MUSK: variants seen among roughly 807,000 people sequenced by gnomAD.
The protein encoded by MUSK is muscle associated receptor tyrosine kinase.
A neutral mutation model predicts 88.7 loss-of-function variants in MUSK; 55 were observed. The observed-to-expected ratio is 0.62, with a 90% CI of 0.50 to 0.78. The LOEUF is 0.78. Among genes scored for constraint, MUSK ranks in the 30% least tolerant of loss-of-function variants. The pLI, the probability that MUSK is intolerant of heterozygous loss-of-function variation, is 0.00. For missense variants in MUSK, 1,015 were observed against 1,074.3 expected, an observed-to-expected ratio of 0.94 and a Z score of 0.77; for synonymous variants, 387 against 391.9, an observed-to-expected ratio of 0.99 and a Z score of 0.15.
intron 6 of MUSK, among the ~76,000 whole-genome samples, chr9:110,736,004 C>T (rs1196859169): frequency 2.0e-5 from 3 of 152,194 alleles, no homozygotes; most frequent in Non-Finnish European, 2.9e-5. Flanking sequence ...AATTACAATT[C>T]GACTTGAGAT....
intron 7 of MUSK, among the ~76,000 whole-genome samples, chr9:110,758,856 A>G (rs2077361404): frequency 6.6e-6 from 1 of 152,248 alleles, no homozygotes; most frequent in Non-Finnish European, 1.5e-5. Flanking sequence ...CTAACCAGGA[A>G]GGTGAAAGAT....
chr9:110,757,250 G>A (rs1182845540), intron 7 of MUSK, among the ~76,000 whole-genome samples: 1 of 151,930 alleles, frequency 6.6e-6, no homozygotes, highest in Non-Finnish European at 1.5e-5. Flanking sequence ...TTTGAGGTTG[G>A]GAGTTCGAGA....
At chr9:110,722,547 C>A (rs1361334357) in intron 5 of MUSK, among the ~76,000 whole-genome samples, 7 of 150,716 alleles carry the variant, frequency 4.6e-5, no homozygotes, top group African/African-American at 7.3e-5. Flanking sequence ...AAAAAAAAAA[C>A]ATGGGACTTA....
chr9:110,707,015 G>C (rs2076608813), intron 5 of MUSK, among the ~76,000 whole-genome samples: 1 of 143,644 alleles, frequency 7.0e-6, no homozygotes, highest in African/African-American at 2.6e-5. Flanking sequence ...AAAAAATAGA[G>C]AGAGAGAGAG....
intron 5 of MUSK, among the ~76,000 whole-genome samples, chr9:110,722,788 T>C (rs1221594543): frequency 6.6e-6 from 1 of 151,508 alleles, no homozygotes; most frequent in African/African-American, 2.4e-5. Context: ...CATGGAAAAA[T>C]GCTCCACATC....
At chr9:110,774,866 T>TACACACACAC (rs368896303) in intron 9 of MUSK, among the ~76,000 whole-genome samples, 9 of 139,044 alleles carry the variant, frequency 6.5e-5, no homozygotes, top group African/African-American at 2.6e-4. Flanking sequence ...GGCATATATA[T>TACACACACAC]ACACACACAC....
chr9:110,773,890 T>C (rs1324477277), intron 9 of MUSK, among the ~76,000 whole-genome samples: 1 of 152,200 alleles, frequency 6.6e-6, no homozygotes, highest in Non-Finnish European at 1.5e-5. Flanking sequence ...ATTTCTTTAA[T>C]TGTTGAGATT....
At chr9:110,785,142 T>A in intron 12 of MUSK, 126 bp downstream of exon 12, 1 of 848,576 alleles carries the variant, frequency 1.2e-6, no homozygotes, top group Non-Finnish European at 1.8e-6. Context: ...AGCCCTGCTT[T>A]AAAATTAAGC....
At chr9:110,756,046 C>G (rs148110959) in intron 7 of MUSK, among the ~76,000 whole-genome samples, 2 of 145,648 alleles carry the variant, frequency 1.4e-5, no homozygotes, top group Non-Finnish European at 3.0e-5. Flanking sequence ...TTTTATTATC[C>G]CCATTTCACA....
intron 14 of MUSK, among the ~76,000 whole-genome samples, chr9:110,788,555 C>A (rs367615646): frequency 6.6e-6 from 1 of 151,114 alleles, no homozygotes; most frequent in Non-Finnish European, 1.5e-5. Context: ...TCGCTTACAC[C>A]GGGGGGGCAG....
chr9:110,728,780 TTTG>T, intron 5 of MUSK: 1 of 1,375,888 alleles, frequency 7.3e-7, no homozygotes, highest in Non-Finnish European at 9.8e-7. Flanking sequence ...ATTGTTTATT[TTTG>T]TTGACCTTAT....
intron 7 of MUSK, among the ~76,000 whole-genome samples, chr9:110,757,165 A>G (rs1252544945): frequency 6.6e-6 from 1 of 152,178 alleles, no homozygotes; most frequent in Non-Finnish European, 1.5e-5. Flanking sequence ...TTCAGAATTA[A>G]AAATGAAATA....
At chr9:110,671,982 T>C (rs1294351845) in intron 1 of MUSK, among the ~76,000 whole-genome samples, 1 of 152,186 alleles carries the variant, frequency 6.6e-6, no homozygotes, top group African/African-American at 2.4e-5. Context: ...CTCTTTTAAA[T>C]TGTATGTATA....
intron 4 of MUSK, among the ~76,000 whole-genome samples, chr9:110,696,974 G>A (rs2076438290): frequency 1.3e-5 from 2 of 150,326 alleles, no homozygotes; most frequent in South Asian, 4.2e-4. Flanking sequence ...CCTTCTAAAA[G>A]CAATGCTTTT....
In MUSK at chr9:110,800,648, A is replaced by C. The variant is rs769989475; in HGVS notation, c.2270A>C (p.Lys757Thr). The C allele has an allele frequency of 1.2e-6, 2 of 1,613,780 alleles. No individual in the cohort carries two copies. Among genetic ancestry groups the C allele is most frequent in the Non-Finnish European group, 1.7e-6 (2 of 1,179,848 alleles). ...AACATCTACTCAGCAGACTACTACA[A>C]AGCTAATGAAAACGACGCTATCCCT... ...SRNIYSADYYKANENDAIPIR... is the reference protein window; with the variant it reads ...SRNIYSADYYTANENDAIPIR... The change falls in exon 15 of 15, where the codon AAA (lysine) becomes ACA (threonine). Residue 757 changes from lysine to threonine, a missense_variant. Physicochemically the swap from Lys to Thr is moderately conservative, Grantham distance 78. Coordinates refer to ENST00000374448, the MANE Select transcript of MUSK (RefSeq NM_005592.4).
At chr9:110,693,593 C>T (rs2076387080) in intron 3 of MUSK, among the ~76,000 whole-genome samples, 1 of 152,206 alleles carries the variant, frequency 6.6e-6, no homozygotes, top group Non-Finnish European at 1.5e-5. Context: ...ATCATGTTCC[C>T]TTACAGTGGG....
chr9:110,797,204 T>C (rs972678103), intron 14 of MUSK, among the ~76,000 whole-genome samples: 1 of 90,856 alleles, frequency 1.1e-5, no homozygotes, highest in Non-Finnish European at 2.3e-5. Context: ...CATTTCAGCA[T>C]GCAAACAAGT....
At chr9:110,777,063 T>C (rs1217490996) in intron 11 of MUSK, among the ~76,000 whole-genome samples, 4 of 152,126 alleles carry the variant, frequency 2.6e-5, no homozygotes, top group African/African-American at 7.2e-5. Flanking sequence ...TTTGTGACAA[T>C]AGATCCCTCT....
chr9:110,728,044 C>T (rs1320133929), intron 5 of MUSK, among the ~76,000 whole-genome samples: 1 of 152,082 alleles, frequency 6.6e-6, no homozygotes, highest in Non-Finnish European at 1.5e-5. Context: ...TCAATTCTTT[C>T]TATTCAATCT....
Sources: gnomAD v4.1 joint callset for allele counts (sites outside exome capture counted in the v4.1 genomes callset) on GRCh38, gnomAD v4.1.1 for gene constraint, MANE v1.5 for transcripts, NCBI Gene and HGNC (gene_info 2026-07-23, HGNC 2026-07-21) for gene names.